NRXN3: variants seen among roughly 807,000 people sequenced by gnomAD.
NRXN3 encodes the protein neurexin III.
Under a neutral mutation model 137.6 loss-of-function variants are expected in NRXN3, and 32 were observed. The observed-to-expected ratio is 0.23, with a 90% confidence interval of 0.18 to 0.31. The LOEUF is 0.31. Among genes scored for constraint, NRXN3 ranks in the 10% least tolerant of loss-of-function variants. The pLI is 1.00. For synonymous variants in NRXN3, 798 were observed against 784.5 expected (o/e 1.02, Z -0.29); for missense variants, 1,574 against 2,062.5 (o/e 0.76, Z 4.59).
At chr14:78,931,017 T>C (rs2099320183) in intron 10 of NRXN3, among the ~76,000 whole-genome samples, 1 of 152,182 alleles carries the variant, frequency 6.6e-6, no homozygotes, top group African/African-American at 2.4e-5. Flanking sequence ...TGATATTTAA[T>C]ATAGTAAAAG....
intron 10 of NRXN3, among the ~76,000 whole-genome samples, chr14:78,909,821 C>T (rs2099231486): frequency 6.6e-6 from 1 of 152,026 alleles, no homozygotes; most frequent in Non-Finnish European, 1.5e-5. Context: ...TCTACTTGCC[C>T]ATGAAGTTCA....
At chr14:79,280,360 C>G in intron 15 of NRXN3, 1 of 1,614,050 alleles carries the variant, frequency 6.2e-7, no homozygotes, top group Non-Finnish European at 8.5e-7. Context: ...GGATCTGGTT[C>G]CTGTTCTGGG....
chr14:79,578,559 C>A (rs909253892), intron 16 of NRXN3, among the ~76,000 whole-genome samples: 6 of 152,112 alleles, frequency 3.9e-5, no homozygotes, highest in Non-Finnish European at 7.4e-5. Flanking sequence ...CATGGCAGCA[C>A]CCACACTAAA....
At chr14:78,481,862 T>C (rs1260350035) in intron 4 of NRXN3, among the ~76,000 whole-genome samples, 2 of 152,202 alleles carry the variant, frequency 1.3e-5, no homozygotes, top group Non-Finnish European at 2.9e-5. Flanking sequence ...TTTTATATTA[T>C]AGAGTTCTTT....
intron 4 of NRXN3, among the ~76,000 whole-genome samples, chr14:78,619,989 T>G (rs2097384153): frequency 6.6e-6 from 1 of 152,178 alleles, no homozygotes; most frequent in African/African-American, 2.4e-5. Context: ...ATCTTGGACT[T>G]CCTAGCCTCC....
chr14:78,462,525 T>C (rs2094952830), intron 4 of NRXN3, among the ~76,000 whole-genome samples: 4 of 152,124 alleles, frequency 2.6e-5, no homozygotes, highest in African/African-American at 7.2e-5. Flanking sequence ...CTGTCTTAGA[T>C]TGCACGCCAG....
chr14:79,373,396 T>A (rs961688995), intron 15 of NRXN3, among the ~76,000 whole-genome samples: 4 of 152,200 alleles, frequency 2.6e-5, no homozygotes, highest in African/African-American at 9.6e-5. Context: ...CTGAACAATA[T>A]GTAATTGTAA....
chr14:78,894,845 G>T (rs1371529741), intron 10 of NRXN3, among the ~76,000 whole-genome samples: 3 of 150,696 alleles, frequency 2.0e-5, no homozygotes, highest in Non-Finnish European at 4.4e-5. Flanking sequence ...CAAAGTTCTG[G>T]AGTGACTAGG....
intron 15 of NRXN3, among the ~76,000 whole-genome samples, chr14:79,186,293 T>C (rs1288906470): frequency 6.6e-6 from 1 of 152,046 alleles, no homozygotes; most frequent in Non-Finnish European, 1.5e-5. Context: ...TAAGTAAATA[T>C]AGGGTTGTGT....
intron 10 of NRXN3, among the ~76,000 whole-genome samples, chr14:78,855,041 G>A (rs1307430579): frequency 6.6e-6 from 1 of 152,048 alleles, no homozygotes; most frequent in Non-Finnish European, 1.5e-5. Flanking sequence ...GCACACACCT[G>A]TAGTCCCAGC....
chr14:78,550,357 C>A (rs1487719547), intron 4 of NRXN3, among the ~76,000 whole-genome samples: 1 of 152,082 alleles, frequency 6.6e-6, no homozygotes, highest in African/African-American at 2.4e-5. Flanking sequence ...ACTTCTATGA[C>A]CCTTTCTTTC....
chr14:79,387,115 A>G (rs956265063), intron 15 of NRXN3, among the ~76,000 whole-genome samples: 2 of 152,128 alleles, frequency 1.3e-5, no homozygotes, highest in Admixed American at 1.3e-4. Context: ...ATCTAATTAA[A>G]CTAAAGAGCT....
At chr14:78,544,346 G>A (rs982280847) in intron 4 of NRXN3, among the ~76,000 whole-genome samples, 4 of 152,188 alleles carry the variant, frequency 2.6e-5, no homozygotes, top group Admixed American at 2.6e-4. Context: ...AATAAATGAA[G>A]CCAAAGTGCT....
chr14:79,511,262 G>A (rs547556422), intron 16 of NRXN3, among the ~76,000 whole-genome samples: 4 of 152,264 alleles, frequency 2.6e-5, no homozygotes, highest in East Asian at 1.9e-4. Context: ...TCCCCAGCAC[G>A]TCTCTAAGGA....
intron 10 of NRXN3, among the ~76,000 whole-genome samples, chr14:78,880,588 A>G (rs1043874219): frequency 6.6e-6 from 1 of 152,118 alleles, no homozygotes; most frequent in African/African-American, 2.4e-5. Flanking sequence ...GTCCAGAAAG[A>G]TGGGCTTCCT....
chr14:79,428,106 G>A (rs1188317966), intron 15 of NRXN3, among the ~76,000 whole-genome samples: 1 of 152,056 alleles, frequency 6.6e-6, no homozygotes, highest in African/African-American at 2.4e-5. Flanking sequence ...TGATTAGGGG[G>A]CACTGCTTTA....
At chr14:78,435,906 A>T (rs765808882) in intron 4 of NRXN3, among the ~76,000 whole-genome samples, 1 of 152,210 alleles carries the variant, frequency 6.6e-6, no homozygotes, top group Non-Finnish European at 1.5e-5. Flanking sequence ...CCCAAAATGC[A>T]TGCCTTGTTC....
chr14:79,424,765 TC>T (rs1283697501), intron 15 of NRXN3, among the ~76,000 whole-genome samples: 1 of 152,204 alleles, frequency 6.6e-6, no homozygotes, highest in African/African-American at 2.4e-5. Flanking sequence ...AAAATAGTAG[TC>T]CTTCTAATTT....
At chr14:78,927,513 T>G (rs1300382762) in intron 10 of NRXN3, among the ~76,000 whole-genome samples, 1 of 152,172 alleles carries the variant, frequency 6.6e-6, no homozygotes. Flanking sequence ...GAAACAGCGC[T>G]GGCAGCTTCA....
Sources: allele counts gnomAD v4.1 joint callset (sites outside exome capture counted in the v4.1 genomes callset), GRCh38; gene constraint gnomAD v4.1.1; transcripts MANE v1.5; gene names NCBI Gene and HGNC (gene_info 2026-07-23, HGNC 2026-07-21).